COX7B: variants seen among roughly 807,000 people sequenced by gnomAD.
The protein encoded by COX7B is cytochrome c oxidase subunit 7B.
A neutral mutation model predicts 7.9 loss-of-function variants in COX7B; 2 were observed. That is an observed-to-expected ratio of 0.25 (90% CI 0.10 to 0.79). The LOEUF (loss-of-function observed/expected upper bound fraction) is 0.79, where lower values mean the gene tolerates loss of function less well. Ranked by LOEUF, COX7B falls within the 30% of genes least tolerant of loss-of-function variation. COX7B has a pLI of 0.69. For synonymous variants in COX7B, 19 were observed against 21.1 expected (o/e 0.90, Z 0.27); for missense variants, 54 against 62.7 (o/e 0.86, Z 0.47).
Position 77,905,370 on chromosome X carries a change from A to T in COX7B, c.*109A>T. 1.8e-6 allele frequency: 1 copy of T among 568,331 alleles called. No homozygotes were observed. Among genetic ancestry groups the T allele is most frequent in the Non-Finnish European group, 2.9e-6 (1 of 344,509 alleles). The allele number at this position is 568,331 out of a possible 1,213,427, so 46.8% of individuals were successfully genotyped here. On this transcript the variant is annotated 3_prime_UTR_variant, in exon 3 of 3. Transcript: ENST00000650309. The stretch of plus-strand genomic sequence containing the variant: ...TATGGCATTATTGAAGAAATAAAGT[A>T]CATTTGAAACCTTCATTGTAGGTTT...
intron 2 of COX7B, among the ~76,000 whole-genome samples, chrX:77,904,499 G>A (rs911469962): frequency 9.3e-6 from 1 of 107,687 alleles, no homozygotes; most frequent in Non-Finnish European, 1.9e-5. Context: ...AAAATTAGCC[G>A]GGCGTGGTGG....
chrX:77,902,554 T>C, intron 1 of COX7B, 89 bp from the exon 2 acceptor site: 2 of 1,002,727 alleles, frequency 2.0e-6, no homozygotes, highest in Non-Finnish European at 2.8e-6. Context: ...CTTCCTTGGC[T>C]TTCCTGATTG....
chrX:77,899,750 C>T (rs1316455070), intron 1 of COX7B, among the ~76,000 whole-genome samples, 157 bp downstream of exon 1: 1 of 111,071 alleles, frequency 9.0e-6, no homozygotes, highest in Non-Finnish European at 1.9e-5. Flanking sequence ...ATGTCCTTAG[C>T]ATTGGCTTTA....
intron 2 of COX7B, 122 bp from the exon 3 acceptor site, chrX:77,905,062 C>T: frequency 8.9e-6 from 5 of 560,353 alleles, no homozygotes; most frequent in Non-Finnish European, 1.5e-5. Flanking sequence ...GTATTAGATC[C>T]CAGGTGAGTT....
At chrX:77,900,550 G>T (rs1327966454) in intron 1 of COX7B, among the ~76,000 whole-genome samples, 1 of 112,033 alleles carries the variant, frequency 8.9e-6, no homozygotes, top group Non-Finnish European at 1.9e-5. Flanking sequence ...GAGTAACGTG[G>T]GCAGTTGTTA....
chrX:77,905,298 A>C lies in COX7B; in HGVS notation c.*37A>C, dbSNP rs2077131437. The C allele has an allele frequency of 4.7e-6, 5 of 1,066,022 alleles. No homozygotes were observed. The highest frequency in any genetic ancestry group is 6.5e-6 in the Non-Finnish European group (5 of 764,639). 87.9% of individuals were successfully genotyped at this position (1,066,022 alleles called of 1,213,427 possible). A position where few individuals can be genotyped will look rare whatever the true frequency, so the allele number is the denominator to read the frequency against. ...GGTGTAATAATGAATTGTTTAAAAAACAGCTCATAATTGATGCCAAATTAA... is the reference window on the plus strand; with the variant it reads ...GGTGTAATAATGAATTGTTTAAAAACCAGCTCATAATTGATGCCAAATTAA... On this transcript the variant is annotated 3_prime_UTR_variant, in exon 3 of 3. Coordinates refer to ENST00000650309, the MANE Select transcript of COX7B (RefSeq NM_001866.3).
chrX:77,901,295 G>C (rs2077119286), intron 1 of COX7B, among the ~76,000 whole-genome samples: 1 of 107,381 alleles, frequency 9.3e-6, no homozygotes, highest in Admixed American at 1.0e-4. Flanking sequence ...GCCCAGGCTG[G>C]AGTGCAGTGG....
At chrX:77,900,099 G>A (rs2077116690) in intron 1 of COX7B, among the ~76,000 whole-genome samples, 1 of 112,114 alleles carries the variant, frequency 8.9e-6, no homozygotes, top group African/African-American at 3.2e-5. Flanking sequence ...AGGCGCGGTG[G>A]CTCACACTTG....
chrX:77,906,951 G>C lies in COX7B; in HGVS notation c.*1690G>C, dbSNP rs2077136646. 9.1e-6 allele frequency: 1 copy of C among 110,198 alleles called. No individual in the cohort carries two copies. The highest frequency in any genetic ancestry group is 3.7e-4 in the South Asian group (1 of 2,693). The allele number at this position is 110,198 out of a possible 1,213,427, so 9.1% of individuals were successfully genotyped here. A position where few individuals can be genotyped will look rare whatever the true frequency, so the allele number is the denominator to read the frequency against. The stretch of plus-strand genomic sequence containing the variant: ...CTTATATATCATTACTTTCTTGGCT[G>C]AGAGCTGTAGTCTGTGGTAGTTGTT... On this transcript the variant is annotated 3_prime_UTR_variant, in exon 3 of 3. Coordinates refer to ENST00000650309, the MANE Select transcript of COX7B (RefSeq NM_001866.3).
rs782643486 is a variant in COX7B, at chrX:77,900,185, A to G, written c.40+592A>G. 2.5e-4 allele frequency among the ~76,000 whole-genome samples: 28 copies of G among 111,385 alleles called. No individual in the cohort carries two copies. In the East Asian group the frequency reaches 7.1e-3, roughly 28 times the overall value. ...AGTTCGAGACCAGCCTGGCCAACAT[A>G]GTGAAACGCCGTCCCTACTAAAAAT... is the stretch of plus-strand genomic sequence containing the variant. On this transcript the variant is annotated intron_variant, in intron 1 of 2. Coordinates refer to ENST00000650309, the MANE Select transcript of COX7B (RefSeq NM_001866.3).
intron 2 of COX7B, among the ~76,000 whole-genome samples, chrX:77,904,520 T>TGG (rs1334968211): frequency 1.9e-5 from 2 of 108,001 alleles, no homozygotes; most frequent in African/African-American, 3.4e-5. Flanking sequence ...TGGGCACCTG[T>TGG]AGTCCCAGCT....
In COX7B at chrX:77,899,512, A is replaced by G. The variant is rs782793919; in HGVS notation, c.-42A>G. 77 of 1,205,643 alleles carry G rather than the reference A, an allele frequency of 6.4e-5. No individual in the cohort carries two copies. Among genetic ancestry groups the G allele is most frequent in the Non-Finnish European group, 8.2e-5 (73 of 891,770 alleles). On this transcript the variant is annotated 5_prime_UTR_variant, in exon 1 of 3. Transcript: ENST00000650309. ...GGGTACCTGAAGCGAATTGGCACCA[A>G]AGCAGCAGCTGTATTGCCGCAGTTC... is the stretch of plus-strand genomic sequence containing the variant.
rs782793919 is a variant in COX7B at position 77,899,512 on chromosome X, A to C, written c.-42A>C. The C allele has an allele frequency of 8.3e-7, 1 of 1,207,653 alleles. No homozygotes were observed. The highest frequency in any genetic ancestry group is 1.1e-6 in the Non-Finnish European group (1 of 892,037). Reference sequence around the variant, plus strand: ...GGGTACCTGAAGCGAATTGGCACCAAAGCAGCAGCTGTATTGCCGCAGTTC... The same window carrying C: ...GGGTACCTGAAGCGAATTGGCACCACAGCAGCAGCTGTATTGCCGCAGTTC... On this transcript the variant is annotated 5_prime_UTR_variant, in exon 1 of 3. Coordinates refer to ENST00000650309, the MANE Select transcript of COX7B (RefSeq NM_001866.3).
At chrX:77,901,276 G>T (rs1437685390) in intron 1 of COX7B, among the ~76,000 whole-genome samples, 6 of 103,969 alleles carry the variant, frequency 5.8e-5, no homozygotes, top group Non-Finnish European at 7.8e-5. Flanking sequence ...ACAAAGTTTC[G>T]CTCTTGTTGC....
At chrX:77,902,149 C>T (rs949703669) in intron 1 of COX7B, among the ~76,000 whole-genome samples, 1 of 111,864 alleles carries the variant, frequency 8.9e-6, no homozygotes, top group African/African-American at 3.2e-5. Flanking sequence ...CATTTGAGTT[C>T]ATTTGCCCTT....
chrX:77,902,546 T>C, intron 1 of COX7B, 97 bp from the exon 2 acceptor site: 1 of 923,621 alleles, frequency 1.1e-6, no homozygotes, highest in Non-Finnish European at 1.5e-6. Context: ...AAAATTAACT[T>C]CCTTGGCTTT....
chrX:77,899,667 C>T (rs995862116), intron 1 of COX7B, 74 bp downstream of exon 1: 49 of 1,011,063 alleles, frequency 4.8e-5, no homozygotes, highest in Non-Finnish European at 6.1e-5. Context: ...CGTGTGCTTT[C>T]CTTTTACGAA....
intron 2 of COX7B, 33 bp from the exon 3 acceptor site, chrX:77,905,151 A>G: frequency 9.1e-7 from 1 of 1,104,936 alleles, no homozygotes; most frequent in Non-Finnish European, 1.3e-6. Flanking sequence ...CTCTGGTTTA[A>G]ACACGTAACT....
At chrX:77,904,641 C>CA (rs782806719) in intron 2 of COX7B, among the ~76,000 whole-genome samples, 157 of 64,058 alleles carry the variant, frequency 2.5e-3, no homozygotes, top group African/African-American at 3.1e-3. Context: ...GAGACTGTCT[C>CA]AAAAAAAAAA....
Sources: gnomAD v4.1 joint callset for allele counts (sites outside exome capture counted in the v4.1 genomes callset) on GRCh38, gnomAD v4.1.1 for gene constraint, MANE v1.5 for transcripts, NCBI Gene and HGNC (gene_info 2026-07-23, HGNC 2026-07-21) for gene names.